The following ZNF474 variants were observed in gnomAD, a reference collection of about 807,000 sequenced individuals.
ZNF474 encodes zinc finger protein 474.
For missense variants in ZNF474, 511 were observed against 433.8 expected (o/e 1.18, Z -1.58); for synonymous variants, 192 against 162.2 (o/e 1.18, Z -1.39).
intron 1 of ZNF474, among the ~76,000 whole-genome samples, chr5:122,139,665 C>A (rs981479460): frequency 8.5e-5 from 13 of 152,138 alleles, no homozygotes; most frequent in South Asian, 4.2e-4. Context: ...ATGATGTGAA[C>A]AAGTAGATGA....
chr5:122,149,077 G>A (rs376112031), intron 1 of ZNF474, among the ~76,000 whole-genome samples: 11 of 152,170 alleles, frequency 7.2e-5, no homozygotes, highest in South Asian at 2.1e-4. Flanking sequence ...AATACCACAC[G>A]TTCTCACTTA....
intron 1 of ZNF474, among the ~76,000 whole-genome samples, chr5:122,144,050 A>G (rs936480875): frequency 2.0e-5 from 3 of 152,018 alleles, no homozygotes; most frequent in African/African-American, 7.2e-5. Context: ...AAAGTTATGT[A>G]TATATTATCT....
intron 1 of ZNF474, among the ~76,000 whole-genome samples, chr5:122,133,682 C>G (rs768016053): frequency 1.3e-5 from 2 of 152,124 alleles, no homozygotes; most frequent in Non-Finnish European, 2.9e-5. Context: ...ACCCCAGTCC[C>G]CCAAGTAGCT....
chr5:122,141,633 T>C (rs987634182), intron 1 of ZNF474, among the ~76,000 whole-genome samples: 1 of 151,558 alleles, frequency 6.6e-6, no homozygotes, highest in Non-Finnish European at 1.5e-5. Flanking sequence ...AGAGATGAGG[T>C]TTCACCATGT....
chr5:122,152,332 C>G lies in ZNF474; in HGVS notation c.342C>G (p.Pro114=). The G allele has an allele frequency of 1.2e-6, 2 of 1,614,170 alleles. No homozygotes were observed. The highest frequency in any genetic ancestry group is 1.7e-6 in the Non-Finnish European group (2 of 1,180,036). Residue 114 remains proline, a synonymous_variant, in exon 2 of 2, where the codon CCC becomes CCG. Coordinates refer to ENST00000296600, the MANE Select transcript of ZNF474 (RefSeq NM_207317.3). ...CCCAGTCAATTGCCATTCATGAACCCCAGTGCTTGCAGAAGTGGCATATTG... is the reference window on the plus strand; with the variant it reads ...CCCAGTCAATTGCCATTCATGAACCGCAGTGCTTGCAGAAGTGGCATATTG... ...FGSQSIAIHE[P]QCLQKWHIEN...
chr5:122,137,533 A>G (rs923388353), intron 1 of ZNF474, among the ~76,000 whole-genome samples: 1 of 151,752 alleles, frequency 6.6e-6, no homozygotes, highest in East Asian at 1.9e-4. Flanking sequence ...TGAAGGATAA[A>G]ATAAGAAAGC....
At chr5:122,141,119 TA>T (rs1383920239) in intron 1 of ZNF474, among the ~76,000 whole-genome samples, 244 of 38,002 alleles carry the variant, frequency 6.4e-3, no homozygotes, top group Non-Finnish European at 0.017. Flanking sequence ...TATTTTATTT[TA>T]TTTTATTTTA....
At chr5:122,141,178 A>C (rs1435938443) in intron 1 of ZNF474, among the ~76,000 whole-genome samples, 1 of 94,058 alleles carries the variant, frequency 1.1e-5, no homozygotes, top group African/African-American at 4.7e-5. Context: ...TTATTTTTGG[A>C]AACAGTCTAT....
chr5:122,130,894 T>C (rs776911631), intron 1 of ZNF474, among the ~76,000 whole-genome samples: 2 of 152,124 alleles, frequency 1.3e-5, no homozygotes, highest in Non-Finnish European at 2.9e-5. Flanking sequence ...TCAATTATTA[T>C]TAATTATAAT....
intron 1 of ZNF474, among the ~76,000 whole-genome samples, chr5:122,134,170 C>T (rs576616148): frequency 1.3e-5 from 2 of 152,092 alleles, no homozygotes; most frequent in African/African-American, 4.8e-5. Context: ...TCATTGCACA[C>T]AAATATGGCA....
At chr5:122,133,839 C>T (rs879215183) in intron 1 of ZNF474, among the ~76,000 whole-genome samples, 2 of 152,210 alleles carry the variant, frequency 1.3e-5, no homozygotes, top group Admixed American at 6.5e-5. Flanking sequence ...AGATTACAGG[C>T]GTGAGCCATA....
chr5:122,153,210 T>TTC lies in ZNF474; in HGVS notation c.*125_*126insTC. ...ACTCCCTGTTGAACTCCAGGGCCTA[T>TTC]ACCTCTCTTGGCTGAATAGATATAA... On this transcript the variant is annotated 3_prime_UTR_variant, in exon 2 of 2. Transcript: ENST00000296600. 1 of 1,232,480 alleles carries TTC rather than the reference T, an allele frequency of 8.1e-7. No homozygotes were observed. The highest frequency in any genetic ancestry group is 1.1e-6 in the Non-Finnish European group (1 of 893,228). The allele number at this position is 1,232,480 out of a possible 1,614,324, so 76.3% of individuals were successfully genotyped here. A position where few individuals can be genotyped will look rare whatever the true frequency, so the allele number is the denominator to read the frequency against.
intron 1 of ZNF474, among the ~76,000 whole-genome samples, chr5:122,139,964 G>C (rs1755794642): frequency 6.6e-6 from 1 of 152,192 alleles, no homozygotes; most frequent in Admixed American, 6.5e-5. Flanking sequence ...AGTGAAAAAA[G>C]AGGATGTTCC....
chr5:122,141,239 C>G (rs1755837191), intron 1 of ZNF474, among the ~76,000 whole-genome samples: 1 of 149,148 alleles, frequency 6.7e-6, no homozygotes, highest in Admixed American at 6.7e-5. Flanking sequence ...CAGCCTCCAG[C>G]TCTCAGGTTC....
At chr5:122,130,840 T>A (rs562660099) in intron 1 of ZNF474, among the ~76,000 whole-genome samples, 1 of 152,286 alleles carries the variant, frequency 6.6e-6, no homozygotes, top group South Asian at 2.1e-4. Flanking sequence ...TTACCTTTTT[T>A]TGGCTGTGGT....
chr5:122,141,577 G>C (rs1248707333), intron 1 of ZNF474, among the ~76,000 whole-genome samples: 5 of 152,030 alleles, frequency 3.3e-5, no homozygotes. Context: ...AAAGTGCTGG[G>C]ATTACAGGCA....
chr5:122,149,883 C>CTG (rs1491239581), intron 1 of ZNF474, among the ~76,000 whole-genome samples: 1 of 140,170 alleles, frequency 7.1e-6, no homozygotes, highest in African/African-American at 2.9e-5. Context: ...ACAGAATTGA[C>CTG]TCTGTGTGTG....
At chr5:122,138,998 T>C (rs898812295) in intron 1 of ZNF474, among the ~76,000 whole-genome samples, 3 of 152,252 alleles carry the variant, frequency 2.0e-5, no homozygotes, top group Non-Finnish European at 2.9e-5. Context: ...TAAAAGTTAA[T>C]ATTTACATTC....
chr5:122,143,493 C>T (rs946119854), intron 1 of ZNF474, among the ~76,000 whole-genome samples: 1 of 152,096 alleles, frequency 6.6e-6, no homozygotes, highest in African/African-American at 2.4e-5. Context: ...ATTTTTCCAT[C>T]CAATGTTTAA....
Sources: allele counts gnomAD v4.1 joint callset (sites outside exome capture counted in the v4.1 genomes callset), GRCh38; gene constraint gnomAD v4.1.1; transcripts MANE v1.5; gene names NCBI Gene and HGNC (gene_info 2026-07-23, HGNC 2026-07-21).